ESRRG: variants seen among roughly 807,000 people sequenced by gnomAD.
ESRRG encodes the protein estrogen-related receptor gamma.
Under a neutral mutation model 44.0 loss-of-function variants are expected in ESRRG, and 13 were observed. The ratio of observed to expected loss-of-function variants is 0.30; its 90% confidence interval spans 0.19 to 0.47. ESRRG has a LOEUF of 0.47. ESRRG is among the 20% of genes least tolerant of loss of function. The pLI is 1.00. For missense variants in ESRRG, 395 were observed against 580.6 expected (o/e 0.68, Z 3.29); for synonymous variants, 215 against 214.6 (o/e 1.00, Z -0.02).
chr1:216,719,401 C>T (rs1368702596), intron 1 of ESRRG, among the ~76,000 whole-genome samples: 1 of 151,720 alleles, frequency 6.6e-6, no homozygotes, highest in Non-Finnish European at 1.5e-5. Flanking sequence ...GTGTTATTAA[C>T]TAAGTAAGAA....
chr1:216,556,967 ATGGT>A (rs1339105544), intron 5 of ESRRG, among the ~76,000 whole-genome samples: 1 of 152,176 alleles, frequency 6.6e-6, no homozygotes, highest in Non-Finnish European at 1.5e-5. Flanking sequence ...CATTTTTTAT[ATGGT>A]CAAGTCTTGC....
intron 2 of ESRRG, among the ~76,000 whole-genome samples, chr1:216,782,682 T>C (rs186384662): frequency 3.9e-5 from 6 of 152,146 alleles, no homozygotes; most frequent in Admixed American, 3.9e-4. Context: ...CTATAACATT[T>C]TGTCAATAGT....
intron 1 of ESRRG, among the ~76,000 whole-genome samples, chr1:217,035,468 G>A (rs1285181712): frequency 6.6e-6 from 1 of 152,012 alleles, no homozygotes; most frequent in Admixed American, 6.5e-5. Flanking sequence ...TATTGCCAGT[G>A]TCAAAGGAGG....
chr1:216,535,145 C>A (rs552592789), intron 5 of ESRRG, among the ~76,000 whole-genome samples: 4 of 152,228 alleles, frequency 2.6e-5, no homozygotes, highest in African/African-American at 9.6e-5. Context: ...GAAAGCACAG[C>A]TTGAGACTGT....
At chr1:216,640,493 G>C (rs897686516) in intron 3 of ESRRG, among the ~76,000 whole-genome samples, 8 of 5,852 alleles carry the variant, frequency 1.4e-3, no homozygotes, top group Non-Finnish European at 3.3e-3. Flanking sequence ...GTGAGGGAGA[G>C]AGAGAGAGAG....
intron 2 of ESRRG, among the ~76,000 whole-genome samples, chr1:216,845,378 G>C (rs2095726948): frequency 6.6e-6 from 1 of 152,040 alleles, no homozygotes; most frequent in Non-Finnish European, 1.5e-5. Context: ...CTCTTCACCT[G>C]GTATAAAGAT....
At chr1:216,721,670 T>A (rs973063272) in intron 1 of ESRRG, among the ~76,000 whole-genome samples, 8 of 152,182 alleles carry the variant, frequency 5.3e-5, no homozygotes, top group African/African-American at 1.9e-4. Flanking sequence ...TCTGGGGGAT[T>A]TTTAAAGTTT....
intron 2 of ESRRG, among the ~76,000 whole-genome samples, chr1:216,902,144 C>T (rs1051973228): frequency 1.3e-5 from 2 of 152,206 alleles, no homozygotes; most frequent in African/African-American, 4.8e-5. Flanking sequence ...TGAATCATCT[C>T]TTTATTCTCT....
At chr1:216,689,035 C>G (rs761293220) in intron 1 of ESRRG, among the ~76,000 whole-genome samples, 1 of 152,130 alleles carries the variant, frequency 6.6e-6, no homozygotes, top group Non-Finnish European at 1.5e-5. Context: ...TTTTGATTCG[C>G]CATTGCTTCT....
intron 1 of ESRRG, among the ~76,000 whole-genome samples, chr1:217,131,568 A>T (rs908805142): frequency 6.6e-6 from 1 of 152,252 alleles, no homozygotes; most frequent in African/African-American, 2.4e-5. Context: ...GTTGAAGGTG[A>T]CCAAGAACTG....
intron 5 of ESRRG, among the ~76,000 whole-genome samples, chr1:216,530,237 C>A (rs2048946425): frequency 2.0e-5 from 3 of 151,312 alleles, no homozygotes; most frequent in Non-Finnish European, 2.9e-5. Context: ...AAAGCACATT[C>A]CACACACTGA....
At chr1:216,633,119 G>T (rs940526134) in intron 3 of ESRRG, among the ~76,000 whole-genome samples, 2 of 152,150 alleles carry the variant, frequency 1.3e-5, no homozygotes, top group Non-Finnish European at 2.9e-5. Flanking sequence ...CTAAAGAAAT[G>T]CTGGGATGGC....
intron 3 of ESRRG, among the ~76,000 whole-genome samples, chr1:216,623,894 G>C (rs889754277): frequency 4.6e-5 from 7 of 152,034 alleles, no homozygotes; most frequent in African/African-American, 1.7e-4. Flanking sequence ...ACCGAGAGCA[G>C]ATATTGATTG....
intron 1 of ESRRG, among the ~76,000 whole-genome samples, chr1:216,991,073 C>T (rs1486798530): frequency 3.9e-5 from 6 of 151,914 alleles, no homozygotes; most frequent in Non-Finnish European, 8.8e-5. Flanking sequence ...ATTAGATTCT[C>T]ATAGAAGCAT....
intron 2 of ESRRG, among the ~76,000 whole-genome samples, chr1:216,734,546 C>T (rs1186941856): frequency 6.6e-6 from 1 of 152,164 alleles, no homozygotes; most frequent in Non-Finnish European, 1.5e-5. Context: ...TCTGCCCCTT[C>T]ACCTTCCGCC....
At chr1:216,628,013 T>C (rs78290572) in intron 3 of ESRRG, among the ~76,000 whole-genome samples, 1 of 152,194 alleles carries the variant, frequency 6.6e-6, no homozygotes, top group African/African-American at 2.4e-5. Flanking sequence ...ACAATATTCA[T>C]GCGTATGAAC....
chr1:216,936,421 C>T (rs1276991412), intron 2 of ESRRG, among the ~76,000 whole-genome samples: 2 of 151,992 alleles, frequency 1.3e-5, no homozygotes, highest in African/African-American at 4.8e-5. Flanking sequence ...TGGTTGATGA[C>T]TATTAATGTG....
At chr1:216,587,827 A>T (rs1321091793) in intron 3 of ESRRG, among the ~76,000 whole-genome samples, 3 of 152,194 alleles carry the variant, frequency 2.0e-5, no homozygotes, top group Admixed American at 6.5e-5. Flanking sequence ...CTTGATATAA[A>T]CATAAGACAT....
chr1:216,768,814 A>G (rs1050316974), intron 2 of ESRRG, among the ~76,000 whole-genome samples: 4 of 152,134 alleles, frequency 2.6e-5, no homozygotes, highest in Non-Finnish European at 5.9e-5. Flanking sequence ...TATTATATAA[A>G]TAAATTCAAT....
Sources: gnomAD v4.1 joint callset for allele counts (sites outside exome capture counted in the v4.1 genomes callset) on GRCh38, gnomAD v4.1.1 for gene constraint, MANE v1.5 for transcripts, NCBI Gene and HGNC (gene_info 2026-07-23, HGNC 2026-07-21) for gene names.